CNTNAP5: variants seen among roughly 807,000 people sequenced by gnomAD.
CNTNAP5 encodes contactin-associated protein-like 5.
In CNTNAP5, 72 loss-of-function variants were observed where a neutral mutation model predicts 150.2. That is an observed-to-expected ratio of 0.48 (90% confidence interval 0.40 to 0.58). The LOEUF (loss-of-function observed/expected upper bound fraction) is 0.58, where lower values mean the gene tolerates loss of function less well. CNTNAP5 is among the 20% of genes least tolerant of loss of function. The pLI is 0.00. For synonymous variants in CNTNAP5, 672 were observed against 619.8 expected (o/e 1.08, Z -1.25); for missense variants, 1,636 against 1,626.2 (o/e 1.01, Z -0.10).
In CNTNAP5 at chr2:124,142,301, C is replaced by G. The variant is rs1401625318; in HGVS notation, c.83-79404C>G. On this transcript the variant is annotated intron_variant, in intron 1 of 23. Transcript: ENST00000682447. ...TGCACCAAGCGGACCTAATAGACAT[C>G]TACAGAACTCTCCACCCCAAATCAA... Among the ~76,000 whole-genome samples, 423 of 135,908 alleles carry G rather than the reference C, an allele frequency of 3.1e-3. 3 individuals carry two copies. The highest frequency in any genetic ancestry group is 0.011 in the African/African-American group (390 of 36,036). 89.2% of individuals were successfully genotyped at this position (135,908 alleles called of 152,430 possible).
chr2:124,068,363 G>T (rs566657158), intron 1 of CNTNAP5, among the ~76,000 whole-genome samples: 2 of 152,088 alleles, frequency 1.3e-5, no homozygotes, highest in Non-Finnish European at 2.9e-5. Flanking sequence ...AGCCATCTTC[G>T]ACTCAGCCAG....
At chr2:124,646,441 T>C (rs1678203085) in intron 12 of CNTNAP5, among the ~76,000 whole-genome samples, 1 of 152,232 alleles carries the variant, frequency 6.6e-6, no homozygotes, top group Non-Finnish European at 1.5e-5. Flanking sequence ...TCTCCATTTG[T>C]AAGGCTAAGA....
At chr2:124,100,691 C>T (rs1683043490) in intron 1 of CNTNAP5, among the ~76,000 whole-genome samples, 1 of 142,866 alleles carries the variant, frequency 7.0e-6, no homozygotes, top group African/African-American at 2.6e-5. Context: ...CATAGCAAAG[C>T]CTCGTCTCTA....
At chr2:124,784,619 G>T (rs1021530197) in intron 17 of CNTNAP5, among the ~76,000 whole-genome samples, 1 of 152,242 alleles carries the variant, frequency 6.6e-6, no homozygotes, top group African/African-American at 2.4e-5. Context: ...AATGCATGCT[G>T]GTATATTATT....
intron 22 of CNTNAP5, among the ~76,000 whole-genome samples, chr2:124,907,074 G>A (rs550214886): frequency 6.6e-6 from 1 of 152,158 alleles, no homozygotes; most frequent in Non-Finnish European, 1.5e-5. Flanking sequence ...CAATGCTAAA[G>A]GAAAAATATG....
At chr2:124,402,112 G>T (rs935952171) in intron 3 of CNTNAP5, among the ~76,000 whole-genome samples, 1 of 152,152 alleles carries the variant, frequency 6.6e-6, no homozygotes, top group African/African-American at 2.4e-5. Flanking sequence ...AGGGGTAAAA[G>T]AATAACAAAG....
chr2:124,587,481 T>C (rs115128885), intron 11 of CNTNAP5, among the ~76,000 whole-genome samples: 2,682 of 152,328 alleles, frequency 0.018, 30 homozygotes, highest in Middle Eastern at 0.031. Flanking sequence ...AGATAAGGTA[T>C]AGAATAGTTG....
intron 7 of CNTNAP5, among the ~76,000 whole-genome samples, chr2:124,500,137 G>C (rs755547339): frequency 9.2e-5 from 14 of 152,132 alleles, no homozygotes; most frequent in Non-Finnish European, 1.9e-4. Flanking sequence ...CCACATTGGG[G>C]AGGGCACTGT....
chr2:124,589,289 T>C (rs1442613518), intron 11 of CNTNAP5, among the ~76,000 whole-genome samples: 1 of 152,164 alleles, frequency 6.6e-6, no homozygotes, highest in Admixed American at 6.5e-5. Flanking sequence ...AATCATACAA[T>C]ATATGCTCTC....
In CNTNAP5 at chr2:124,798,173, A is replaced by G; in HGVS notation, c.3070A>G (p.Ser1024Gly). The G allele has an allele frequency of 6.2e-7, 1 of 1,613,864 alleles. No homozygotes were observed. Among genetic ancestry groups the G allele is most frequent in the Non-Finnish European group, 8.5e-7 (1 of 1,179,834 alleles). The change falls in exon 19 of 24, where the codon AGC becomes GGC. Residue 1024 changes from serine (S) to glycine (G), a missense_variant. By Grantham distance (56) the Ser-to-Gly change is moderately conservative (BLOSUM62 0). Transcript: ENST00000682447. ...QEPYPVTKNI[S>G]LSSSAIYTDS... ...ACCCTATCCTGTGACCAAGAATATAAGCCTCTCATCCTCAGCTATTTACAC... is the reference window on the plus strand; with the variant it reads ...ACCCTATCCTGTGACCAAGAATATAGGCCTCTCATCCTCAGCTATTTACAC...
intron 12 of CNTNAP5, among the ~76,000 whole-genome samples, chr2:124,624,094 G>A (rs139557969): frequency 2.0e-5 from 3 of 152,296 alleles, no homozygotes; most frequent in African/African-American, 7.2e-5. Flanking sequence ...GCTGCTCTGC[G>A]TGTGTTGAAG....
intron 13 of CNTNAP5, among the ~76,000 whole-genome samples, chr2:124,712,531 G>T (rs1679828205): frequency 6.6e-6 from 1 of 152,146 alleles, no homozygotes; most frequent in South Asian, 2.1e-4. Context: ...AGCTGCTGCT[G>T]GTGTGTCAGA....
intron 1 of CNTNAP5, among the ~76,000 whole-genome samples, chr2:124,127,316 C>T (rs1390178008): frequency 2.6e-5 from 4 of 152,072 alleles, no homozygotes; most frequent in African/African-American, 4.8e-5. Context: ...ACAATTGCTT[C>T]AAAGAGAATA....
chr2:124,156,078 T>C (rs1469396590), intron 1 of CNTNAP5, among the ~76,000 whole-genome samples: 3 of 152,226 alleles, frequency 2.0e-5, no homozygotes, highest in Admixed American at 1.3e-4. Flanking sequence ...TGCCAATTAA[T>C]GTATCATGTT....
intron 11 of CNTNAP5, among the ~76,000 whole-genome samples, chr2:124,601,259 C>G (rs1696978437): frequency 6.6e-6 from 1 of 152,208 alleles, no homozygotes; most frequent in South Asian, 2.1e-4. Context: ...TTCTCTTCAG[C>G]TCCGAGATAT....
At chr2:124,679,762 G>A (rs1429924102) in intron 13 of CNTNAP5, among the ~76,000 whole-genome samples, 2 of 151,558 alleles carry the variant, frequency 1.3e-5, no homozygotes, top group Non-Finnish European at 2.9e-5. Context: ...ACAGGGTCTC[G>A]ACATGTTGCC....
intron 1 of CNTNAP5, among the ~76,000 whole-genome samples, chr2:124,175,254 C>T (rs1685033024): frequency 6.6e-6 from 1 of 152,126 alleles, no homozygotes; most frequent in Admixed American, 6.5e-5. Context: ...TAGAAGCTTA[C>T]ATATATATAA....
intron 1 of CNTNAP5, among the ~76,000 whole-genome samples, chr2:124,066,811 T>C (rs1444130208): frequency 6.6e-6 from 1 of 152,152 alleles, no homozygotes; most frequent in South Asian, 2.1e-4. Context: ...TTGTGCACTG[T>C]AAAAATTATT....
chr2:124,071,260 A>C (rs1682297355), intron 1 of CNTNAP5, among the ~76,000 whole-genome samples: 1 of 151,934 alleles, frequency 6.6e-6, no homozygotes, highest in African/African-American at 2.4e-5. Flanking sequence ...AAATAAGGGA[A>C]GCTTCAAATA....
Sources: allele counts gnomAD v4.1 joint callset (sites outside exome capture counted in the v4.1 genomes callset), GRCh38; gene constraint gnomAD v4.1.1; transcripts MANE v1.5; gene names NCBI Gene and HGNC (gene_info 2026-07-23, HGNC 2026-07-21).